VWA5B1: variants seen among roughly 807,000 people sequenced by gnomAD.
VWA5B1 encodes the protein von Willebrand factor A domain containing 5B1.
In VWA5B1, 115 loss-of-function variants were observed where a neutral mutation model predicts 118.2. That is an observed-to-expected ratio of 0.97 (90% confidence interval 0.84 to 1.14). The LOEUF is 1.14. Ranked by LOEUF, VWA5B1 falls within the 50% of genes most tolerant of loss-of-function variation. The pLI, the probability that VWA5B1 is intolerant of heterozygous loss-of-function variation, is 0.00. For synonymous variants in VWA5B1, 682 were observed against 658.4 expected (o/e 1.04, Z -0.55); for missense variants, 1,596 against 1,603.8 (o/e 1.00, Z 0.08).
At chr1:20,341,390 T>G (rs1405356086) in intron 14 of VWA5B1, among the ~76,000 whole-genome samples, 1 of 152,234 alleles carries the variant, frequency 6.6e-6, no homozygotes, top group African/African-American at 2.4e-5. Flanking sequence ...TAGATTGTTC[T>G]CCCACAGCTG....
At position 20,350,379 on chromosome 1, in the gene VWA5B1, A is replaced by C. The variant is rs1301561177; in HGVS notation, c.2953+149A>C. ...TGCATGGGGAATAGGATTATCCCCA[A>C]TTGAAAGATGAGGAACAGGTGCAAA... On this transcript the variant is annotated intron_variant, in intron 19 of 21. Transcript: ENST00000289815. The C allele has an allele frequency of 1.7e-5, 15 of 901,538 alleles. No individual in the cohort carries two copies. The East Asian group carries it at 3.7e-4, about 22-fold the overall frequency. 55.8% of individuals were successfully genotyped at this position (901,538 alleles called of 1,614,324 possible).
intron 12 of VWA5B1, among the ~76,000 whole-genome samples, chr1:20,334,996 G>A (rs1399325061): frequency 6.6e-6 from 1 of 151,978 alleles, no homozygotes; most frequent in Non-Finnish European, 1.5e-5. Flanking sequence ...GTAAAATATT[G>A]TGCAGTCAAA....
intron 12 of VWA5B1, 146 bp from the exon 13 acceptor site, chr1:20,336,157 C>A: frequency 1.6e-6 from 1 of 614,898 alleles, no homozygotes; most frequent in Non-Finnish European, 2.4e-6. Context: ...TGTCTCAATT[C>A]CCTAAGCAAA....
At chr1:20,333,472 G>A (rs557403734) in intron 12 of VWA5B1, among the ~76,000 whole-genome samples, 17 of 152,266 alleles carry the variant, frequency 1.1e-4, no homozygotes, top group African/African-American at 3.8e-4. Flanking sequence ...GCGAGACTCC[G>A]TCTCAAAAGA....
chr1:20,331,285 C>T (rs2089546337), intron 11 of VWA5B1, among the ~76,000 whole-genome samples: 1 of 152,192 alleles, frequency 6.6e-6, no homozygotes, highest in African/African-American at 2.4e-5. Context: ...TGTTTGAGGT[C>T]CATATCTGGA....
At position 20,350,920 on chromosome 1, in the gene VWA5B1, G is replaced by C; in HGVS notation, c.3017G>C (p.Gly1006Ala). Residue 1006 changes from glycine (G) to alanine (A), a missense_variant, in exon 20 of 22, where the codon GGA becomes GCA. Physicochemically the swap from Gly to Ala is moderately conservative, Grantham distance 60. Coordinates refer to ENST00000289815, the MANE Select transcript of VWA5B1 (RefSeq NM_001039500.3). ...ATGAAGGCCTCAGAGAATCTCTTTG[G>C]ATCCTGGTAGGTGGGATTTCCAATA... ...SSMKASENLF[G>A]SWLNLNKSRL... is the part of the protein sequence containing the mutation. 6.4e-7 allele frequency: 1 copy of C among 1,551,926 alleles called. No homozygotes were observed. Among genetic ancestry groups the C allele is most frequent in the Non-Finnish European group, 8.7e-7 (1 of 1,147,038 alleles).
At chr1:20,295,279 G>T (rs1396271583) in intron 1 of VWA5B1, among the ~76,000 whole-genome samples, 1 of 152,164 alleles carries the variant, frequency 6.6e-6, no homozygotes, top group African/African-American at 2.4e-5. Flanking sequence ...CACAGAGTCA[G>T]AGCGGAAGAG....
intron 1 of VWA5B1, among the ~76,000 whole-genome samples, chr1:20,307,467 G>T (rs1350163200): frequency 6.6e-6 from 1 of 152,226 alleles, no homozygotes; most frequent in African/African-American, 2.4e-5. Flanking sequence ...TCCAAAGCCA[G>T]CACACTCCCT....
At chr1:20,330,062 G>T (rs2089501492) in intron 9 of VWA5B1, 118 bp from the exon 10 acceptor site, 3 of 1,158,040 alleles carry the variant, frequency 2.6e-6, no homozygotes, top group Non-Finnish European at 2.5e-6. Flanking sequence ...GAAATTGGGA[G>T]CATGGGTCAA....
In VWA5B1 at chr1:20,354,045, G is replaced by A. The variant is rs1031515190; in HGVS notation, c.3430G>A (p.Val1144Met). ...CACTGGGAAGCTGTGGGCCACGGTG[G>A]TGGGGCTGGCATGGCTGGAGCACAG... ...EHTGKLWATVVGLAWLEHSSA... is the reference protein window; with the variant it reads ...EHTGKLWATVMGLAWLEHSSA... Residue 1144 changes from valine to methionine, a missense_variant, in exon 22 of 22, where the codon GTG becomes ATG. Transcript: ENST00000289815. 8 of 1,551,572 alleles carry A rather than the reference G, an allele frequency of 5.2e-6. No individual in the cohort carries two copies. The highest frequency in any genetic ancestry group is 1.2e-5 in the South Asian group (1 of 84,064).
intron 15 of VWA5B1, 87 bp from the exon 16 acceptor site, chr1:20,342,992 T>A: frequency 6.9e-7 from 1 of 1,451,276 alleles, no homozygotes; most frequent in Non-Finnish European, 9.1e-7. Context: ...TAGAAGTGTC[T>A]GCTCCCTGGG....
chr1:20,308,770 C>T (rs1421940979), intron 1 of VWA5B1, among the ~76,000 whole-genome samples: 1 of 152,186 alleles, frequency 6.6e-6, no homozygotes, highest in African/African-American at 2.4e-5. Context: ...CACTGCTGGC[C>T]TGGCGGGGTG....
At chr1:20,294,536 A>G (rs1324825051) in intron 1 of VWA5B1, among the ~76,000 whole-genome samples, 2 of 152,056 alleles carry the variant, frequency 1.3e-5, no homozygotes, top group African/African-American at 4.8e-5. Flanking sequence ...CTGGAGTGCA[A>G]TGGCATAATC....
chr1:20,341,256 G>A (rs2089867991), intron 14 of VWA5B1, among the ~76,000 whole-genome samples: 1 of 152,166 alleles, frequency 6.6e-6, no homozygotes, highest in South Asian at 2.1e-4. Context: ...AAACAATACT[G>A]CAACAAGTAT....
At chr1:20,305,828 C>T (rs934887214) in intron 1 of VWA5B1, among the ~76,000 whole-genome samples, 1 of 151,994 alleles carries the variant, frequency 6.6e-6, no homozygotes, top group Non-Finnish European at 1.5e-5. Flanking sequence ...CAGATTGAAC[C>T]TCCATAGCTT....
intron 14 of VWA5B1, among the ~76,000 whole-genome samples, chr1:20,340,135 C>T (rs990835186): frequency 1.3e-5 from 2 of 152,020 alleles, no homozygotes; most frequent in Non-Finnish European, 2.9e-5. Context: ...CCCCCTCCTG[C>T]CTGGCTTCTT....
In VWA5B1 at chr1:20,334,073, C is replaced by T. The variant is rs536725367; in HGVS notation, c.1758+1122C>T. 3.3e-5 allele frequency among the ~76,000 whole-genome samples: 5 copies of T among 152,330 alleles called. No homozygotes were observed. In the South Asian group the frequency reaches 6.2e-4, roughly 19 times the overall value. On this transcript the variant is annotated intron_variant, in intron 12 of 21. Coordinates refer to ENST00000289815, the MANE Select transcript of VWA5B1 (RefSeq NM_001039500.3). ...CCCTGGCTAAACTGGGCAGCCCCTACGCAGCCCTAACAAAGTGCCATCATG... is the reference window on the plus strand; with the variant it reads ...CCCTGGCTAAACTGGGCAGCCCCTATGCAGCCCTAACAAAGTGCCATCATG...
rs55783023 is a variant in VWA5B1 at position 20,291,355 on chromosome 1, T to C, written c.-27+267T>C. On this transcript the variant is annotated intron_variant, in intron 1 of 21. Coordinates refer to ENST00000289815, the MANE Select transcript of VWA5B1 (RefSeq NM_001039500.3). ...TCTCTCTCTCTCTTTCTTTCTTTCT[T>C]TCTTTCTCTCTCTCTCTCTCTCTCT... Among the ~76,000 whole-genome samples the C allele has an allele frequency of 7.4e-3, 517 of 69,830 alleles. 4 individuals carry two copies. Among genetic ancestry groups the C allele is most frequent in the South Asian group, 0.032 (70 of 2,160 alleles). The allele number at this position is 69,830 out of a possible 152,430, so 45.8% of individuals were successfully genotyped here. A position where few individuals can be genotyped will look rare whatever the true frequency, so the allele number is the denominator to read the frequency against.
intron 21 of VWA5B1, among the ~76,000 whole-genome samples, chr1:20,353,023 G>A (rs2090159879): frequency 6.6e-6 from 1 of 152,154 alleles, no homozygotes; most frequent in Non-Finnish European, 1.5e-5. Context: ...GGGGAGTACA[G>A]GGGGTGGACA....
Sources: gnomAD v4.1 joint callset for allele counts (sites outside exome capture counted in the v4.1 genomes callset) on GRCh38, gnomAD v4.1.1 for gene constraint, MANE v1.5 for transcripts, NCBI Gene and HGNC (gene_info 2026-07-23, HGNC 2026-07-21) for gene names.